The following PLXDC2 variants were observed in gnomAD, a reference collection of about 807,000 sequenced individuals.
PLXDC2 encodes plexin domain-containing protein 2.
In PLXDC2, 40 loss-of-function variants were observed where a neutral mutation model predicts 68.9. That is an observed-to-expected ratio of 0.58 (90% CI 0.45 to 0.76). PLXDC2 has a LOEUF of 0.76. Ranked by LOEUF, PLXDC2 falls within the 30% of genes least tolerant of loss-of-function variation. The probability of loss-of-function intolerance (pLI) is 0.00; values close to 1 mark genes in which losing one functional copy is unlikely to be tolerated. For synonymous variants in PLXDC2, 243 were observed against 234.2 expected (o/e 1.04, Z -0.34); for missense variants, 644 against 661.9 (o/e 0.97, Z 0.30).
chr10:20,028,694 C>T (rs1041895385), intron 2 of PLXDC2, among the ~76,000 whole-genome samples: 6 of 152,146 alleles, frequency 3.9e-5, no homozygotes, highest in Non-Finnish European at 7.4e-5. Context: ...TTTTTTACAG[C>T]CTTTCTCATA....
chr10:19,863,501 A>G (rs534541589), intron 1 of PLXDC2, among the ~76,000 whole-genome samples: 4 of 152,318 alleles, frequency 2.6e-5, no homozygotes, highest in Admixed American at 1.3e-4. Context: ...AGGGAGCATC[A>G]CTGCCCACTT....
chr10:19,986,048 G>C (rs1834632489), intron 1 of PLXDC2, among the ~76,000 whole-genome samples: 1 of 152,182 alleles, frequency 6.6e-6, no homozygotes, highest in Admixed American at 6.5e-5. Context: ...GGAAGCCTTT[G>C]GAAAGCTTGA....
chr10:20,219,174 A>G, intron 12 of PLXDC2, 72 bp downstream of exon 12: 9 of 1,468,754 alleles, frequency 6.1e-6, no homozygotes, highest in Non-Finnish European at 8.4e-6. Context: ...TACTATGAGA[A>G]AGGCAATACG....
At chr10:20,057,538 T>C (rs1001076909) in intron 3 of PLXDC2, among the ~76,000 whole-genome samples, 1 of 152,170 alleles carries the variant, frequency 6.6e-6, no homozygotes, top group Non-Finnish European at 1.5e-5. Flanking sequence ...TCTAGTGTTC[T>C]AGACATAGTA....
chr10:19,965,147 A>G (rs573958995), intron 1 of PLXDC2, among the ~76,000 whole-genome samples: 4 of 152,214 alleles, frequency 2.6e-5, no homozygotes, highest in Non-Finnish European at 5.9e-5. Context: ...CATGAAACCA[A>G]TGGCCCTTTG....
intron 4 of PLXDC2, among the ~76,000 whole-genome samples, chr10:20,095,455 G>C (rs938860334): frequency 1.3e-5 from 2 of 152,170 alleles, no homozygotes; most frequent in Non-Finnish European, 2.9e-5. Flanking sequence ...TGTTTAAAAG[G>C]AGCATACATA....
At chr10:20,034,413 T>C (rs1564290127) in intron 2 of PLXDC2, among the ~76,000 whole-genome samples, 1 of 152,196 alleles carries the variant, frequency 6.6e-6, no homozygotes, top group Non-Finnish European at 1.5e-5. Context: ...TCAAATTAAT[T>C]TATTTGATTG....
intron 1 of PLXDC2, among the ~76,000 whole-genome samples, chr10:19,984,197 G>C (rs1166467635): frequency 6.6e-6 from 1 of 152,154 alleles, no homozygotes; most frequent in Non-Finnish European, 1.5e-5. Context: ...CCTATCTCAG[G>C]GTTCCCCATT....
At chr10:19,861,564 A>G (rs1837320462) in intron 1 of PLXDC2, among the ~76,000 whole-genome samples, 1 of 152,114 alleles carries the variant, frequency 6.6e-6, no homozygotes, top group African/African-American at 2.4e-5. Context: ...CTCCATTCTC[A>G]GCTTCCCCTA....
chr10:19,870,839 T>C (rs1232025494), intron 1 of PLXDC2, among the ~76,000 whole-genome samples: 1 of 152,252 alleles, frequency 6.6e-6, no homozygotes, highest in African/African-American at 2.4e-5. Context: ...TGTAACTTAA[T>C]TACTGCTTGC....
intron 1 of PLXDC2, among the ~76,000 whole-genome samples, chr10:19,871,324 A>C (rs956792137): frequency 6.6e-6 from 1 of 152,210 alleles, no homozygotes; most frequent in South Asian, 2.1e-4. Flanking sequence ...ACATTCCGTC[A>C]TGAACCCTTT....
At chr10:19,883,805 G>A (rs927146706) in intron 1 of PLXDC2, among the ~76,000 whole-genome samples, 6 of 148,198 alleles carry the variant, frequency 4.0e-5, no homozygotes, top group African/African-American at 7.5e-5. Flanking sequence ...CCCCACCTCC[G>A]TACTTGTTAG....
intron 1 of PLXDC2, among the ~76,000 whole-genome samples, chr10:19,869,495 A>AGGGGGGGGGGGGGGGG (rs1837493196): frequency 8.7e-5 from 2 of 23,008 alleles, no homozygotes; most frequent in African/African-American, 1.9e-4. Flanking sequence ...GGTGGGAGGG[A>AGGGGGGGGGGGGGGGG]GGGAGGGAGA....
At chr10:20,241,944 G>T (rs1368132575) in intron 12 of PLXDC2, among the ~76,000 whole-genome samples, 1 of 152,090 alleles carries the variant, frequency 6.6e-6, no homozygotes, top group African/African-American at 2.4e-5. Context: ...ATAGATGGAT[G>T]CATGGATGGA....
intron 4 of PLXDC2, among the ~76,000 whole-genome samples, chr10:20,102,198 A>G (rs1833432583): frequency 6.6e-6 from 1 of 152,224 alleles, no homozygotes; most frequent in Non-Finnish European, 1.5e-5. Flanking sequence ...TCTATAGTTC[A>G]GAAGTTTTCT....
chr10:20,191,166 A>G (rs1293120100), intron 9 of PLXDC2, among the ~76,000 whole-genome samples: 1 of 151,986 alleles, frequency 6.6e-6, no homozygotes, highest in African/African-American at 2.4e-5. Flanking sequence ...AGGTAAAGAT[A>G]ATTTAGCATA....
intron 12 of PLXDC2, 104 bp from the exon 13 acceptor site, chr10:20,245,241 A>G (rs1835576222): frequency 7.9e-7 from 1 of 1,272,244 alleles, no homozygotes; most frequent in African/African-American, 1.5e-5. Flanking sequence ...CCAGGAAGTA[A>G]AGATCCAGTC....
intron 12 of PLXDC2, among the ~76,000 whole-genome samples, chr10:20,239,172 G>A (rs1835480895): frequency 6.6e-6 from 1 of 152,124 alleles, no homozygotes. Flanking sequence ...AAGTATGTGA[G>A]AAAGATGCTT....
At chr10:20,059,104 A>G (rs1836053725) in intron 3 of PLXDC2, among the ~76,000 whole-genome samples, 1 of 152,186 alleles carries the variant, frequency 6.6e-6, no homozygotes, top group Non-Finnish European at 1.5e-5. Context: ...ACCCTAGGTG[A>G]TTCATTTGCA....
Sources: gnomAD v4.1 joint callset for allele counts (sites outside exome capture counted in the v4.1 genomes callset) on GRCh38, gnomAD v4.1.1 for gene constraint, MANE v1.5 for transcripts, NCBI Gene and HGNC (gene_info 2026-07-23, HGNC 2026-07-21) for gene names.